Variants in PALM2AKAP2 observed in about 807,000 individuals in gnomAD.
PALM2AKAP2 encodes the protein PALM2 and AKAP2 fusion, also known as PALM2-AKAP2 fusion protein.
Under a neutral mutation model 71.5 loss-of-function variants are expected in PALM2AKAP2, and 37 were observed. The observed-to-expected ratio is 0.52, with a 90% CI of 0.40 to 0.68. The LOEUF (loss-of-function observed/expected upper bound fraction) is 0.68, where lower values mean the gene tolerates loss of function less well. PALM2AKAP2 is among the 30% of genes least tolerant of loss of function. The pLI is 0.00. For missense variants in PALM2AKAP2, 1,224 were observed against 1,191.8 expected, an observed-to-expected ratio of 1.03 and a Z score of -0.40; for synonymous variants, 468 against 478.8, an observed-to-expected ratio of 0.98 and a Z score of 0.29.
At chr9:110,091,000 A>G (rs1016033936) in intron 1 of PALM2AKAP2, among the ~76,000 whole-genome samples, 1 of 151,784 alleles carries the variant, frequency 6.6e-6, no homozygotes, top group Admixed American at 6.6e-5. Flanking sequence ...TGCTGACAAC[A>G]TAGGTCGGCA....
At chr9:109,855,690 A>C (rs1310048157) in intron 1 of PALM2AKAP2, among the ~76,000 whole-genome samples, 1 of 152,124 alleles carries the variant, frequency 6.6e-6, no homozygotes, top group Non-Finnish European at 1.5e-5. Flanking sequence ...TGGATGAAAA[A>C]TTTTCTACTT....
At chr9:110,150,519 A>T (rs1205256632) in intron 2 of PALM2AKAP2, among the ~76,000 whole-genome samples, 1 of 152,090 alleles carries the variant, frequency 6.6e-6, no homozygotes, top group Admixed American at 6.5e-5. Flanking sequence ...GTTCCCTCCT[A>T]CAATTACATC....
chr9:110,017,157 G>T (rs1405890695), intron 7 of PALM2AKAP2, among the ~76,000 whole-genome samples: 1 of 152,212 alleles, frequency 6.6e-6, no homozygotes, highest in Non-Finnish European at 1.5e-5. Context: ...GGGATTACAG[G>T]CATGAGCCAA....
intron 7 of PALM2AKAP2, among the ~76,000 whole-genome samples, chr9:110,019,437 C>T (rs958602263): frequency 6.6e-6 from 1 of 152,062 alleles, no homozygotes; most frequent in African/African-American, 2.4e-5. Context: ...TACTGTTTGA[C>T]CCAGCAATGG....
chr9:109,876,177 C>T (rs1829717425), intron 2 of PALM2AKAP2, among the ~76,000 whole-genome samples: 1 of 152,104 alleles, frequency 6.6e-6, no homozygotes, highest in South Asian at 2.1e-4. Flanking sequence ...CTATTGAGCT[C>T]TGCTTCCGCT....
intron 1 of PALM2AKAP2, among the ~76,000 whole-genome samples, chr9:109,749,000 C>G (rs1436423400): frequency 6.6e-6 from 1 of 152,164 alleles, no homozygotes; most frequent in East Asian, 1.9e-4. Context: ...GACCTTATCT[C>G]CAAATACAGT....
intron 1 of PALM2AKAP2, among the ~76,000 whole-genome samples, chr9:109,742,461 G>T (rs916252733): frequency 1.6e-4 from 24 of 152,126 alleles, no homozygotes; most frequent in African/African-American, 5.3e-4. Flanking sequence ...GAGATAAAAT[G>T]GGTCAGGAGT....
Position 109,987,935 on chromosome 9 carries a change from C to G in PALM2AKAP2, c.497-28019C>G, listed in dbSNP as rs1832410689. 2.0e-5 allele frequency among the ~76,000 whole-genome samples: 3 copies of G among 152,360 alleles called. No individual in the cohort carries two copies. In the South Asian group the frequency reaches 6.2e-4, roughly 32 times the overall value. On this transcript the variant is annotated intron_variant, in intron 6 of 9. Coordinates refer to the PALM2AKAP2 transcript ENST00000302798. Reference sequence around the variant, plus strand: ...AATATTAGAGATTCCTCATCAGTCTCTGTTTCATTGTTCATTCAACATTTC... The same window carrying G: ...AATATTAGAGATTCCTCATCAGTCTGTGTTTCATTGTTCATTCAACATTTC...
chr9:110,135,164 A>AAAAAAAAAAAAAATATATATATAT lies in PALM2AKAP2; in HGVS notation c.157-962_157-961insAAAAAAAAAAAATATATATATATA. ...AACTCTGTCTCTACAAAAAAAAAAA[A>AAAAAAAAAAAAAATATATATATAT]ATATATAAATATATATATATATATA... On this transcript the variant is annotated intron_variant, in intron 1 of 3. Coordinates refer to ENST00000374525, the Ensembl canonical transcript of PALM2AKAP2. Among the ~76,000 whole-genome samples, 4 of 51,726 alleles carry AAAAAAAAAAAAAATATATATATAT rather than the reference A, an allele frequency of 7.7e-5. 1 individual carries two copies. The highest frequency in any genetic ancestry group is 1.5e-4 in the Non-Finnish European group (4 of 26,626). The allele number at this position is 51,726 out of a possible 152,430, so 33.9% of individuals were successfully genotyped here. A position where few individuals can be genotyped will look rare whatever the true frequency, so the allele number is the denominator to read the frequency against.
chr9:109,748,285 A>G (rs1828833514), intron 1 of PALM2AKAP2, among the ~76,000 whole-genome samples: 2 of 152,146 alleles, frequency 1.3e-5, no homozygotes, highest in African/African-American at 4.8e-5. Flanking sequence ...GACTTGGTGA[A>G]TTGGGCTGCC....
At chr9:109,848,049 G>A (rs1324913382) in intron 1 of PALM2AKAP2, among the ~76,000 whole-genome samples, 1 of 152,240 alleles carries the variant, frequency 6.6e-6, no homozygotes, top group African/African-American at 2.4e-5. Flanking sequence ...AGTCAGCTGA[G>A]TTGAGTTTGT....
chr9:109,655,820 A>G (rs1378099650), intron 1 of PALM2AKAP2, among the ~76,000 whole-genome samples: 1 of 152,132 alleles, frequency 6.6e-6, no homozygotes, highest in Admixed American at 6.5e-5. Context: ...ACCACGTTTT[A>G]TTATTCATTC....
chr9:109,788,032 G>T (rs1827014241), intron 1 of PALM2AKAP2, among the ~76,000 whole-genome samples: 1 of 152,090 alleles, frequency 6.6e-6, no homozygotes, highest in Admixed American at 6.5e-5. Flanking sequence ...TTGGATAAAT[G>T]GTGCTTATTT....
chr9:109,783,201 C>T (rs985831254), intron 1 of PALM2AKAP2, among the ~76,000 whole-genome samples: 1 of 152,106 alleles, frequency 6.6e-6, no homozygotes, highest in Non-Finnish European at 1.5e-5. Context: ...GGAGGTGAAG[C>T]ACCTGGCAGG....
chr9:109,739,425 G>C (rs568235322), intron 1 of PALM2AKAP2, among the ~76,000 whole-genome samples: 1 of 152,296 alleles, frequency 6.6e-6, no homozygotes, highest in South Asian at 2.1e-4. Context: ...ATGACTGAAG[G>C]CTTTACTCAT....
In PALM2AKAP2 at chr9:109,928,026, G is replaced by A. The variant is rs79635332; in HGVS notation, c.394+2944G>A. 5.0e-3 allele frequency among the ~76,000 whole-genome samples: 762 copies of A among 152,274 alleles called. 7 individuals carry two copies. Among genetic ancestry groups the A allele is most frequent in the African/African-American group, 0.018 (745 of 41,554 alleles). On this transcript the variant is annotated intron_variant, in intron 5 of 9. Transcript: ENST00000302798. ...ATACCAGTCTGTGGTGGCTTAGAGC[G>A]TTTCCCACATCAAAACCTTCATACC...
At chr9:109,930,072 G>T (rs904862707) in intron 5 of PALM2AKAP2, among the ~76,000 whole-genome samples, 3 of 151,932 alleles carry the variant, frequency 2.0e-5, no homozygotes, top group Admixed American at 2.0e-4. Context: ...GCAGTGAGGG[G>T]TGCCTTCAAC....
chr9:109,822,268 T>TATCCATCCATCCATCCATCC, intron 1 of PALM2AKAP2, among the ~76,000 whole-genome samples: 1 of 150,296 alleles, frequency 6.7e-6, no homozygotes, highest in East Asian at 2.0e-4. Context: ...CCCATCCATC[T>TATCCATCCATCCATCCATCC]ATCCATCCAT....
At chr9:110,063,117 T>A (rs1315191394) in intron 1 of PALM2AKAP2, among the ~76,000 whole-genome samples, 1 of 152,254 alleles carries the variant, frequency 6.6e-6, no homozygotes, top group Non-Finnish European at 1.5e-5. Flanking sequence ...TTTGTTTATG[T>A]GAAAACTGTG....
Sources: allele counts gnomAD v4.1 joint callset (sites outside exome capture counted in the v4.1 genomes callset), GRCh38; gene constraint gnomAD v4.1.1; transcripts MANE v1.5; gene names NCBI Gene and HGNC (gene_info 2026-07-23, HGNC 2026-07-21).